LPCAT3: variants seen among roughly 807,000 people sequenced by gnomAD.
LPCAT3 encodes lysophosphatidylcholine acyltransferase 3.
A neutral mutation model predicts 63.4 loss-of-function variants in LPCAT3; 21 were observed. That is an observed-to-expected ratio of 0.33 (90% CI 0.23 to 0.48). LPCAT3 has a LOEUF of 0.48. LPCAT3 is among the 20% of genes least tolerant of loss of function. The probability of loss-of-function intolerance (pLI) is 0.99; values close to 1 mark genes in which losing one functional copy is unlikely to be tolerated. For synonymous variants in LPCAT3, 242 were observed against 227.5 expected (o/e 1.06, Z -0.58); for missense variants, 451 against 590.6 (o/e 0.76, Z 2.45).
chr12:6,990,916 C>CAAAAAAAA (rs59031613), intron 1 of LPCAT3, among the ~76,000 whole-genome samples: 4 of 68,130 alleles, frequency 5.9e-5, no homozygotes, highest in African/African-American at 7.6e-5. Context: ...GACTCCAAAT[C>CAAAAAAAA]AAAAAAAAAA....
intron 1 of LPCAT3, among the ~76,000 whole-genome samples, chr12:6,988,678 T>C (rs1946553590): frequency 6.6e-6 from 1 of 152,186 alleles, no homozygotes; most frequent in Admixed American, 6.5e-5. Context: ...GGACTTCCAC[T>C]TTTAACAGCA....
intron 1 of LPCAT3, among the ~76,000 whole-genome samples, chr12:6,986,200 C>A (rs1326079534): frequency 1.3e-5 from 2 of 152,104 alleles, no homozygotes; most frequent in African/African-American, 4.8e-5. Context: ...CTTAGACTTC[C>A]CTCTGCCTCT....
In LPCAT3 at chr12:6,977,260, C is replaced by T; in HGVS notation, c.1350G>A (p.Val450=). 1.9e-6 allele frequency: 3 copies of T among 1,612,772 alleles called. No homozygotes were observed. Among genetic ancestry groups the T allele is most frequent in the Admixed American group, 1.7e-5 (1 of 60,012 alleles). The change falls in exon 12 of 13, where the codon GTG becomes GTA. Residue 450 remains valine (V), a splice_region_variant and synonymous_variant. Coordinates refer to ENST00000261407, the MANE Select transcript of LPCAT3 (RefSeq NM_005768.6). This position sits in a 1 kb window ranked among gnomAD's most constrained non-coding sequence, Gnocchi z 4.5. The part of the protein sequence containing the change: ...CLFTWDKWLK[V]YKSIYFLGHI... ...GGCCAAGGAAATAGATGGATTTATA[C>T]ACCTGTGGAGAGAGAGGCCACTAAG... is the stretch of plus-strand genomic sequence containing the variant.
At chr12:6,994,161 T>C (rs1946614523) in intron 1 of LPCAT3, among the ~76,000 whole-genome samples, 1 of 152,204 alleles carries the variant, frequency 6.6e-6, no homozygotes, top group Admixed American at 6.5e-5. Context: ...GTTTTTATGT[T>C]TTCAATTCTC....
chr12:7,013,270 G>A (rs1314559092), intron 1 of LPCAT3, among the ~76,000 whole-genome samples: 1 of 152,220 alleles, frequency 6.6e-6, no homozygotes, highest in Non-Finnish European at 1.5e-5. Flanking sequence ...ACTGAACAAA[G>A]GCCATGTGGC....
intron 5 of LPCAT3, 122 bp from the exon 6 acceptor site, chr12:6,981,304 G>A (rs1946469084): frequency 1.2e-6 from 1 of 809,042 alleles, no homozygotes; most frequent in Non-Finnish European, 2.0e-6. Context: ...TTCTCTTTGG[G>A]GGATGACAAA....
intron 9 of LPCAT3, 63 bp downstream of exon 9, chr12:6,978,278 C>T: frequency 3.9e-6 from 6 of 1,545,072 alleles, no homozygotes; most frequent in Non-Finnish European, 5.3e-6. Context: ...CACCCCTGCC[C>T]TCCAATCTGG....
At chr12:7,000,512 C>T (rs1591554774) in intron 1 of LPCAT3, among the ~76,000 whole-genome samples, 1 of 132,496 alleles carries the variant, frequency 7.5e-6, no homozygotes, top group African/African-American at 2.9e-5. Flanking sequence ...GGCGTGAACC[C>T]GGGAGGCAGA....
chr12:7,014,770 C>T (rs1555157459), intron 1 of LPCAT3, among the ~76,000 whole-genome samples: 1 of 151,656 alleles, frequency 6.6e-6, no homozygotes, highest in East Asian at 1.9e-4. Flanking sequence ...TGGCGTGCAC[C>T]ATAGTCCTAG....
intron 6 of LPCAT3, 98 bp downstream of exon 6, chr12:6,980,906 C>G (rs910527819): frequency 1.6e-6 from 2 of 1,257,314 alleles, no homozygotes; most frequent in African/African-American, 1.5e-5. Context: ...ACTCAGGTCT[C>G]TATGCCAGGG....
chr12:6,978,508 C>T lies in LPCAT3; in HGVS notation c.874-1G>A. ...GGCCCGTCAAAATGCATACTCCTTC[C>T]TGAGAGGGAATAGCTCAGTTAGGGC... On this transcript the variant is annotated splice_acceptor_variant, in intron 8 of 12. Coordinates refer to ENST00000261407, the MANE Select transcript of LPCAT3 (RefSeq NM_005768.6). LOFTEE classifies it high-confidence loss of function. 6.2e-7 allele frequency: 1 copy of T among 1,612,474 alleles called. No homozygotes were observed. Among genetic ancestry groups the T allele is most frequent in the Non-Finnish European group, 8.5e-7 (1 of 1,178,708 alleles).
At chr12:6,997,758 GTATTTT>G (rs1481454468) in intron 1 of LPCAT3, among the ~76,000 whole-genome samples, 4 of 151,866 alleles carry the variant, frequency 2.6e-5, no homozygotes, top group African/African-American at 9.7e-5. Flanking sequence ...GGCTAATTTT[GTATTTT>G]TAGTAGAGAC....
In LPCAT3 at chr12:7,017,404, C is replaced by T. The variant is rs782639560; in HGVS notation, c.151+870G>A. Among the ~76,000 whole-genome samples, 1 of 152,162 alleles carries T rather than the reference C, an allele frequency of 6.6e-6. No individual in the cohort carries two copies. The highest frequency in any genetic ancestry group is 1.5e-5 in the Non-Finnish European group (1 of 68,038). Reference sequence around the variant, plus strand: ...TAGGCCCAGAGGGTTTTGCGGCCTGCGTAGGGTCCTTCAGTTTGTGAGCAG... The same window carrying T: ...TAGGCCCAGAGGGTTTTGCGGCCTGTGTAGGGTCCTTCAGTTTGTGAGCAG... On this transcript the variant is annotated intron_variant, in intron 1 of 12. Coordinates refer to ENST00000261407, the MANE Select transcript of LPCAT3 (RefSeq NM_005768.6). This position sits in a 1 kb window ranked among gnomAD's most constrained non-coding sequence, Gnocchi z 4.1.
intron 1 of LPCAT3, chr12:7,001,450 C>G: frequency 2.2e-6 from 1 of 456,050 alleles, no homozygotes; most frequent in Non-Finnish European, 4.4e-6. Flanking sequence ...CTGCTACTGC[C>G]AGAATTCTGC....
chr12:6,984,761 T>A (rs908595797), intron 1 of LPCAT3, among the ~76,000 whole-genome samples: 1 of 151,876 alleles, frequency 6.6e-6, no homozygotes, highest in African/African-American at 2.4e-5. Context: ...TATTTTGTAA[T>A]TTTTGTGGAC....
chr12:7,000,767 C>T (rs375314695), intron 1 of LPCAT3, among the ~76,000 whole-genome samples: 3 of 151,380 alleles, frequency 2.0e-5, no homozygotes, highest in Non-Finnish European at 4.4e-5. Context: ...AGTGCAGTGG[C>T]GCGATCTCGG....
In LPCAT3 at chr12:6,978,709, G is replaced by A. The variant is rs782233584; in HGVS notation, c.787-20C>T. 1.7e-5 allele frequency: 27 copies of A among 1,612,880 alleles called. No homozygotes were observed. The highest frequency in any genetic ancestry group is 8.9e-5 in the East Asian group (4 of 44,890). ...GTGGTTCTTGAGGGAAGAAAGCACA[G>A]TGCATTAGGGATATCACATGACTAG... On this transcript the variant is annotated intron_variant, in intron 7 of 12. Coordinates refer to ENST00000261407, the MANE Select transcript of LPCAT3 (RefSeq NM_005768.6).
At chr12:7,003,802 G>A (rs1245195476) in intron 1 of LPCAT3, among the ~76,000 whole-genome samples, 2 of 151,626 alleles carry the variant, frequency 1.3e-5, no homozygotes, top group African/African-American at 4.9e-5. Flanking sequence ...GGCGCCTGTA[G>A]TCCCAGCTAC....
chr12:6,997,393 G>A (rs1555156161), intron 1 of LPCAT3: 3 of 147,306 alleles, frequency 2.0e-5, no homozygotes, highest in African/African-American at 7.9e-5. Context: ...GTGTGTGTGT[G>A]TGTGTGTGTG....
Sources: allele counts gnomAD v4.1 joint callset (sites outside exome capture counted in the v4.1 genomes callset), GRCh38; gene constraint gnomAD v4.1.1; non-coding constraint Gnocchi (gnomAD v3.1); transcripts MANE v1.5; gene names NCBI Gene and HGNC (gene_info 2026-07-23, HGNC 2026-07-21).